Variants in SH2D5 observed in about 807,000 individuals in gnomAD.
SH2D5 encodes SH2 domain-containing protein 5.
In SH2D5, 45 loss-of-function variants were observed where a neutral mutation model predicts 48.2. That is an observed-to-expected ratio of 0.93 (90% CI 0.73 to 1.20). SH2D5 has a LOEUF of 1.20. Ranked by LOEUF, SH2D5 falls within the 50% of genes most tolerant of loss-of-function variation. The probability of loss-of-function intolerance (pLI) is 0.00; values close to 1 mark genes in which losing one functional copy is unlikely to be tolerated. For missense variants in SH2D5, 538 were observed against 584.1 expected (o/e 0.92, Z 0.81); for synonymous variants, 230 against 249.8 (o/e 0.92, Z 0.75).
At position 20,728,019 on chromosome 1, in the gene SH2D5, C is replaced by G. The variant is rs61778527; in HGVS notation, c.26G>C (p.Arg9Pro). Reference sequence around the variant, plus strand: ...GGCCAGCCCGCAGTCAGAGGCCCTGCGGCCCCCAGCCCCCGCCTTCTGCAT... The same window carrying G: ...GGCCAGCCCGCAGTCAGAGGCCCTGGGGCCCCCAGCCCCCGCCTTCTGCAT... MQKAGAGG[R>P]RASDCGLAPH... The change falls in exon 2 of 10, where the codon CGC becomes CCC. Residue 9 changes from arginine (R) to proline (P), a missense_variant. Coordinates refer to ENST00000444387, the MANE Select transcript of SH2D5 (RefSeq NM_001103161.2). This position sits in a 1 kb window ranked among gnomAD's most constrained non-coding sequence, Gnocchi z 4.3. The G allele has an allele frequency of 1.5e-5, 24 of 1,556,810 alleles. No individual in the cohort carries two copies. The highest frequency in any genetic ancestry group is 2.1e-5 in the Non-Finnish European group (24 of 1,151,642).
chr1:20,727,106 C>T (rs1229209253), intron 3 of SH2D5, 31 bp from the exon 4 acceptor site: 3 of 1,586,868 alleles, frequency 1.9e-6, no homozygotes, highest in Admixed American at 3.4e-5. Context: ...GGGACAGGCA[C>T]CACCTCCCAG....
chr1:20,724,482 G>A lies in SH2D5; in HGVS notation c.544C>T (p.Pro182Ser). 1.2e-6 allele frequency: 2 copies of A among 1,612,836 alleles called. No individual in the cohort carries two copies. Among genetic ancestry groups the A allele is most frequent in the Non-Finnish European group, 1.7e-6 (2 of 1,179,882 alleles). ...TGAGAGAGCTGATCACGGCCGAAGG[G>A]CTCCCGCACCAGGCCCCCAGAGCTG... ...LSSSGGLVRE[P>S]FGRDQLSQNV... The change falls in exon 6 of 10, where the codon CCC becomes TCC. Residue 182 changes from proline to serine, a missense_variant. Pro to Ser is a moderately conservative substitution (Grantham distance 74). Coordinates refer to ENST00000444387, the MANE Select transcript of SH2D5 (RefSeq NM_001103161.2).
intron 4 of SH2D5, among the ~76,000 whole-genome samples, chr1:20,726,425 T>C (rs1001401842): frequency 6.6e-6 from 1 of 152,150 alleles, no homozygotes; most frequent in African/African-American, 2.4e-5. Flanking sequence ...GGCCTCTCGA[T>C]AGGGCTGTAG....
chr1:20,722,858 A>G lies in SH2D5; in HGVS notation c.966T>C (p.Pro322=). 6.2e-7 allele frequency: 1 copy of G among 1,605,292 alleles called. No individual in the cohort carries two copies. The change falls in exon 9 of 10, where the codon CCT becomes CCC. Residue 322 remains proline (P), a synonymous_variant. Coordinates refer to ENST00000444387, the MANE Select transcript of SH2D5 (RefSeq NM_001103161.2). ...ACCACTGGCCGCTAGCACCCAGCTC[A>G]GGCCACAGCAGGAAGGCCCCCAGCA... The part of the protein sequence containing the change: ...RDVLGAFLLW[P]ELGASGQWCL...
rs1480331880 is a variant in SH2D5 at position 20,722,918 on chromosome 1, A to G, written c.909-3T>C. 5 of 1,567,660 alleles carry G rather than the reference A, an allele frequency of 3.2e-6. No individual in the cohort carries two copies. Among genetic ancestry groups the G allele is most frequent in the Admixed American group, 1.8e-5 (1 of 54,458 alleles). On this transcript the variant is annotated splice_region_variant and splice_polypyrimidine_tract_variant and intron_variant, in intron 8 of 9. Transcript: ENST00000444387. ...GCAACAGGGCCAGGGCACAGGGCCT[A>G]GGAGCACAGAGGGGAGAGAGTAAAG... is the stretch of plus-strand genomic sequence containing the variant.
intron 2 of SH2D5, 121 bp downstream of exon 2, chr1:20,727,837 C>A: frequency 1.0e-6 from 1 of 958,364 alleles, no homozygotes; most frequent in Non-Finnish European, 1.6e-6. Context: ...CACTCCCCAG[C>A]CCAAGTCAGG....
intron 5 of SH2D5, 126 bp downstream of exon 5, chr1:20,725,794 G>T: frequency 8.6e-7 from 1 of 1,160,830 alleles, no homozygotes; most frequent in Non-Finnish European, 1.2e-6. Context: ...GAGCCAATGT[G>T]GTGAGGGGTG....
chr1:20,721,859 C>T lies in SH2D5; in HGVS notation c.1205G>A (p.Arg402Lys), dbSNP rs2054692647. ...GAGGGGCCGGAGAGTCCGGGGCGGC[C>T]TGCCTGGGGGCCCACAGTCCTGCTC... ...YEEQDCGPPG[R>K]PPRTLRPLSH... is the part of the protein sequence containing the mutation. The change falls in exon 10 of 10, where the codon AGG (arginine) becomes AAG (lysine). Residue 402 changes from arginine (R) to lysine (K), a missense_variant. Transcript: ENST00000444387. 2 of 1,612,378 alleles carry T rather than the reference C, an allele frequency of 1.2e-6. No individual in the cohort carries two copies. The highest frequency in any genetic ancestry group is 1.3e-5 in the African/African-American group (1 of 74,948).
chr1:20,723,556 G>A (rs1188216819), intron 8 of SH2D5, 70 bp downstream of exon 8: 3 of 1,236,974 alleles, frequency 2.4e-6, no homozygotes, highest in Non-Finnish European at 3.5e-6. Context: ...TGCCTCAGGG[G>A]CCTGGGAAGC....
chr1:20,726,860 G>A (rs1428706557), intron 4 of SH2D5, 141 bp downstream of exon 4: 1 of 634,852 alleles, frequency 1.6e-6, no homozygotes, highest in Non-Finnish European at 2.6e-6. Flanking sequence ...GCCCAGAGCA[G>A]GTAGGCTGGC....
chr1:20,725,897 C>T lies in SH2D5; in HGVS notation c.390+23G>A, dbSNP rs201941205. 1.1e-4 allele frequency: 171 copies of T among 1,611,098 alleles called. 1 individual carries two copies. In the East Asian group the frequency reaches 1.9e-3, roughly 18 times the overall value. ...CAGCCCCTCCGGCCTCCGTGGCGGT[C>T]CCCTGCCTCAAGCCCCAGATACCTC... On this transcript the variant is annotated intron_variant, in intron 5 of 9. Coordinates refer to ENST00000444387, the MANE Select transcript of SH2D5 (RefSeq NM_001103161.2).
At chr1:20,727,138 C>T (rs2154538606) in intron 3 of SH2D5, 63 bp from the exon 4 acceptor site, 1 of 1,409,452 alleles carries the variant, frequency 7.1e-7, no homozygotes, top group Non-Finnish European at 9.8e-7. Context: ...GCCTGCCCAG[C>T]CTCAGGACCA....
chr1:20,722,638 G>C, intron 9 of SH2D5, 118 bp downstream of exon 9: 1 of 1,090,480 alleles, frequency 9.2e-7, no homozygotes, highest in Non-Finnish European at 1.2e-6. Flanking sequence ...ATGGGAGACA[G>C]GGATGGGGGT....
chr1:20,730,166 G>A (rs1241055282), intron 1 of SH2D5, among the ~76,000 whole-genome samples: 1 of 152,160 alleles, frequency 6.6e-6, no homozygotes, highest in Admixed American at 6.5e-5. Context: ...AAAACACGGA[G>A]AAAAGGAGAG....
chr1:20,730,270 GGGA>G (rs2054881234), intron 1 of SH2D5, among the ~76,000 whole-genome samples: 1 of 149,456 alleles, frequency 6.7e-6, no homozygotes, highest in Non-Finnish European at 1.5e-5. Flanking sequence ...GAGAGCTGTG[GGGA>G]GGAGAGGGGA....
In SH2D5 at chr1:20,720,335, G is replaced by A. The variant is rs978737312; in HGVS notation, c.*1457C>T. The A allele has an allele frequency of 6.6e-6, 1 of 152,272 alleles. No homozygotes were observed. The highest frequency in any genetic ancestry group is 2.4e-5 in the African/African-American group (1 of 41,476). The allele number at this position is 152,272 out of a possible 1,614,324, so 9.4% of individuals were successfully genotyped here. ...AGGAAGTTACAAGGTCCCAGGCCAAGCCCCTCTCCTCACGGGAGGGTTGGA... is the reference window on the plus strand; with the variant it reads ...AGGAAGTTACAAGGTCCCAGGCCAAACCCCTCTCCTCACGGGAGGGTTGGA... On this transcript the variant is annotated 3_prime_UTR_variant, in exon 10 of 10. Coordinates refer to ENST00000444387, the MANE Select transcript of SH2D5 (RefSeq NM_001103161.2).
intron 8 of SH2D5, among the ~76,000 whole-genome samples, 164 bp from the exon 9 acceptor site, chr1:20,723,079 G>T (rs2054721441): frequency 1.3e-5 from 2 of 152,262 alleles, no homozygotes; most frequent in African/African-American, 4.8e-5. Context: ...ACTTTGGGAG[G>T]CCCAGGCAGG....
chr1:20,731,894 G>A, intron 1 of SH2D5, among the ~76,000 whole-genome samples: 1 of 152,064 alleles, frequency 6.6e-6, no homozygotes, highest in East Asian at 1.9e-4. Context: ...GGCAGGGAGG[G>A]CAGATGACGA....
At chr1:20,724,338 C>A in intron 6 of SH2D5, 58 bp downstream of exon 6, 1 of 1,602,624 alleles carries the variant, frequency 6.2e-7, no homozygotes, top group Non-Finnish European at 8.5e-7. Context: ...ACATGCCCCC[C>A]AAACCCATAC....
Sources: allele counts gnomAD v4.1 joint callset (sites outside exome capture counted in the v4.1 genomes callset), GRCh38; gene constraint gnomAD v4.1.1; non-coding constraint Gnocchi (gnomAD v3.1); transcripts MANE v1.5; gene names NCBI Gene and HGNC (gene_info 2026-07-23, HGNC 2026-07-21).